The following NTRK2 variants were observed in gnomAD, a reference collection of about 807,000 sequenced individuals.
NTRK2 encodes BDNF/NT-3 growth factors receptor.
A neutral mutation model predicts 94.5 loss-of-function variants in NTRK2; 13 were observed. The ratio of observed to expected loss-of-function variants is 0.14; its 90% CI spans 0.09 to 0.22. NTRK2 has a LOEUF of 0.22. Among genes scored for constraint, NTRK2 ranks in the 10% least tolerant of loss-of-function variants. The probability of loss-of-function intolerance (pLI) is 1.00; values close to 1 mark genes in which losing one functional copy is unlikely to be tolerated. For missense variants in NTRK2, 639 were observed against 1,071.2 expected (o/e 0.60, Z 5.63); for synonymous variants, 372 against 407.4 (o/e 0.91, Z 1.05).
At position 84,710,512 on chromosome 9, in the gene NTRK2, A is replaced by C; in HGVS notation, c.429-125A>C. On this transcript the variant is annotated intron_variant, in intron 5 of 18. Coordinates refer to ENST00000277120, the MANE Select transcript of NTRK2 (RefSeq NM_006180.6). Reference sequence around the variant, plus strand: ...GAATAATAAGTACTGTCATGCTATGAAAGTGGTATGACTTCCAAGCATTGC... The same window carrying C: ...GAATAATAAGTACTGTCATGCTATGCAAGTGGTATGACTTCCAAGCATTGC... 3.1e-6 allele frequency: 3 copies of C among 952,386 alleles called. No homozygotes were observed. The South Asian group carries it at 4.1e-5, about 13-fold the overall frequency. 59.0% of individuals were successfully genotyped at this position (952,386 alleles called of 1,614,324 possible). A position where few individuals can be genotyped will look rare whatever the true frequency, so the allele number is the denominator to read the frequency against.
At chr9:84,691,117 A>G (rs903576881) in intron 2 of NTRK2, among the ~76,000 whole-genome samples, 4 of 152,252 alleles carry the variant, frequency 2.6e-5, no homozygotes, top group Admixed American at 6.5e-5. Context: ...CTGGCAGTGA[A>G]AAGAGAAACT....
In NTRK2 at chr9:84,758,552, C is replaced by T. The variant is rs184239980; in HGVS notation, c.1396+6467C>T. 2.3e-3 allele frequency among the ~76,000 whole-genome samples: 346 copies of T among 152,148 alleles called. 2 individuals carry two copies. The highest frequency in any genetic ancestry group is 7.9e-3 in the African/African-American group (326 of 41,498). ...GATTACAGGCGTGCGCTACCACGCC[C>T]GGCTAATTTTGTATTTTTATTAGAG... On this transcript the variant is annotated intron_variant, in intron 12 of 18. Transcript: ENST00000277120.
intron 2 of NTRK2, among the ~76,000 whole-genome samples, chr9:84,696,809 C>T (rs1310332768): frequency 6.6e-6 from 1 of 151,962 alleles, no homozygotes. Context: ...CGTGGAGGGT[C>T]CTGGGATAGA....
At chr9:84,889,435 CAG>C (rs2076532401) in intron 14 of NTRK2, among the ~76,000 whole-genome samples, 1 of 152,108 alleles carries the variant, frequency 6.6e-6, no homozygotes, top group South Asian at 2.1e-4. Flanking sequence ...ATTTTTGATA[CAG>C]AGTCTCACTC....
intron 2 of NTRK2, among the ~76,000 whole-genome samples, chr9:84,682,938 TA>T (rs1678626345): frequency 6.6e-6 from 1 of 152,204 alleles, no homozygotes; most frequent in African/African-American, 2.4e-5. Flanking sequence ...AACTCCAGTG[TA>T]CAAGTTCTTG....
At chr9:84,815,606 T>A (rs7816) in intron 12 of NTRK2, 756,057 of 1,001,960 alleles carry the variant, frequency 0.75, 285,763 homozygotes, top group East Asian at 0.87. Flanking sequence ...ATTTTAAAAA[T>A]TTTTATTTTT....
chr9:84,690,473 T>C (rs2059980506), intron 2 of NTRK2, among the ~76,000 whole-genome samples: 1 of 151,984 alleles, frequency 6.6e-6, no homozygotes, highest in South Asian at 2.1e-4. Flanking sequence ...TCTTCAAGAG[T>C]CATAAATGGG....
intron 13 of NTRK2, among the ~76,000 whole-genome samples, chr9:84,862,236 A>G (rs2075371057): frequency 6.6e-6 from 1 of 152,170 alleles, no homozygotes; most frequent in Non-Finnish European, 1.5e-5. Context: ...CAAATTTCAG[A>G]CACAGCTGAT....
At chr9:84,955,608 A>G (rs1160329470) in intron 17 of NTRK2, 91 bp downstream of exon 17, 4 of 1,065,172 alleles carry the variant, frequency 3.8e-6, no homozygotes, top group Admixed American at 2.0e-5. Context: ...ATAACAAAAT[A>G]TCATGACTGG....
At chr9:84,964,143 C>T (rs1825279053) in intron 17 of NTRK2, among the ~76,000 whole-genome samples, 1 of 152,298 alleles carries the variant, frequency 6.6e-6, no homozygotes, top group East Asian at 1.9e-4. Flanking sequence ...GGAAGCCAGA[C>T]ATTGTGAATT....
intron 2 of NTRK2, among the ~76,000 whole-genome samples, chr9:84,698,807 G>A (rs2060546036): frequency 6.6e-6 from 1 of 152,090 alleles, no homozygotes; most frequent in South Asian, 2.1e-4. Context: ...AACTTTTCAT[G>A]TTTCTTGGCC....
intron 14 of NTRK2, among the ~76,000 whole-genome samples, chr9:84,898,521 G>A (rs1350875267): frequency 2.0e-5 from 3 of 149,578 alleles, no homozygotes; most frequent in Non-Finnish European, 3.0e-5. Context: ...TTTTTTTCTC[G>A]TTCTTATTTC....
chr9:84,897,412 G>T lies in NTRK2; in HGVS notation c.1633+29981G>T, dbSNP rs140255031. ...AGCCTCCCAAAGTGTTGGAATTACA[G>T]GCGTGAGCCACTGCACCTGGCCTTG... On this transcript the variant is annotated intron_variant, in intron 14 of 18. Coordinates refer to ENST00000277120, the MANE Select transcript of NTRK2 (RefSeq NM_006180.6). Among the ~76,000 whole-genome samples the T allele has an allele frequency of 1.3e-4, 20 of 152,330 alleles. 1 individual carries two copies. The highest frequency in any genetic ancestry group is 4.6e-4 in the African/African-American group (19 of 41,586).
intron 17 of NTRK2, among the ~76,000 whole-genome samples, chr9:84,991,247 A>G (rs755710262): frequency 2.6e-5 from 4 of 152,362 alleles, no homozygotes; most frequent in Middle Eastern, 3.4e-3. Flanking sequence ...ATCAGAGCAC[A>G]TTCAATCTCT....
chr9:84,776,196 G>A (rs946908053), intron 12 of NTRK2, among the ~76,000 whole-genome samples: 3 of 151,606 alleles, frequency 2.0e-5, no homozygotes, highest in African/African-American at 7.3e-5. Flanking sequence ...TATAGATACA[G>A]ACTGTTTAAA....
intron 12 of NTRK2, chr9:84,815,360 A>G (rs200374301): frequency 7.6e-6 from 8 of 1,046,280 alleles, no homozygotes; most frequent in Non-Finnish European, 9.2e-6. Context: ...GAGATTTTTT[A>G]TCACCTTTAT....
At chr9:84,983,943 G>A (rs1397158841) in intron 17 of NTRK2, among the ~76,000 whole-genome samples, 2 of 152,306 alleles carry the variant, frequency 1.3e-5, no homozygotes, top group South Asian at 2.1e-4. Context: ...TCTAGAGTTA[G>A]CCAAACACAT....
At chr9:84,980,383 A>G (rs538992637) in intron 17 of NTRK2, among the ~76,000 whole-genome samples, 2 of 152,300 alleles carry the variant, frequency 1.3e-5, no homozygotes, top group African/African-American at 4.8e-5. Context: ...ATAAGTTCCC[A>G]ATAGAGGACT....
At chr9:84,951,651 TC>T (rs1297851789) in intron 16 of NTRK2, among the ~76,000 whole-genome samples, 1 of 152,188 alleles carries the variant, frequency 6.6e-6, no homozygotes, top group African/African-American at 2.4e-5. Context: ...CACCTGGTTC[TC>T]CCTTGGCACC....
Sources: allele counts gnomAD v4.1 joint callset (sites outside exome capture counted in the v4.1 genomes callset), GRCh38; gene constraint gnomAD v4.1.1; transcripts MANE v1.5; gene names NCBI Gene and HGNC (gene_info 2026-07-23, HGNC 2026-07-21).